The following ANKHD1 variants were observed in gnomAD, a reference collection of about 807,000 sequenced individuals.
ANKHD1 encodes the protein ankyrin repeat and KH domain containing 1.
In ANKHD1, 31 loss-of-function variants were observed where a neutral mutation model predicts 230.5. The observed-to-expected ratio is 0.13, with a 90% CI of 0.10 to 0.18. The LOEUF (loss-of-function observed/expected upper bound fraction) is 0.18, where lower values mean the gene tolerates loss of function less well. ANKHD1 is among the 10% of genes least tolerant of loss of function. The pLI, the probability that ANKHD1 is intolerant of heterozygous loss-of-function variation, is 1.00. For missense variants in ANKHD1, 2,256 were observed against 3,071.3 expected (o/e 0.73, Z 6.27); for synonymous variants, 1,074 against 1,117.6 (o/e 0.96, Z 0.78).
intron 9 of ANKHD1, among the ~76,000 whole-genome samples, chr5:140,463,914 G>A (rs1027059466): frequency 9.2e-5 from 14 of 151,784 alleles, no homozygotes; most frequent in African/African-American, 2.2e-4. Context: ...TGATCTGCCC[G>A]CCTCAGCCTC....
chr5:140,519,728 T>C (rs1325447550), intron 24 of ANKHD1, among the ~76,000 whole-genome samples: 1 of 152,136 alleles, frequency 6.6e-6, no homozygotes, highest in African/African-American at 2.4e-5. Flanking sequence ...TAGCCATATG[T>C]AGAAAGCTGA....
At chr5:140,523,108 CTTTTTTT>C (rs374008554) in intron 24 of ANKHD1, among the ~76,000 whole-genome samples, 3 of 93,510 alleles carry the variant, frequency 3.2e-5, no homozygotes, top group Admixed American at 1.1e-4. Context: ...TTTCTTTTTC[CTTTTTTT>C]TTTTTTTTTT....
chr5:140,415,508 G>A lies in ANKHD1; in HGVS notation c.306+13235G>A, dbSNP rs188318102. Among the ~76,000 whole-genome samples, 10 of 139,156 alleles carry A rather than the reference G, an allele frequency of 7.2e-5. No homozygotes were observed. In the East Asian group the frequency reaches 1.5e-3, roughly 21 times the overall value. 91.3% of individuals were successfully genotyped at this position (139,156 alleles called of 152,430 possible). On this transcript the variant is annotated intron_variant, in intron 1 of 33. Transcript: ENST00000360839. The stretch of plus-strand genomic sequence containing the variant: ...GGCTGGAGTACAATGGTGCGATCTC[G>A]GCTCACTGTAACCTCCACCTTCTGG...
In ANKHD1 at chr5:140,487,905, T is replaced by C. The variant is rs144995879; in HGVS notation, c.2245+845T>C. On this transcript the variant is annotated intron_variant, in intron 14 of 33. Transcript: ENST00000360839. ...TCTGTAACACTGATTTAAGAAAAGT[T>C]GGTGTGGGTTGACTGTTATAGCAGC... is the stretch of plus-strand genomic sequence containing the variant. 3.8e-3 allele frequency among the ~76,000 whole-genome samples: 583 copies of C among 152,258 alleles called. 5 individuals are homozygous for C. Among genetic ancestry groups the C allele is most frequent in the Non-Finnish European group, 4.1e-3 (281 of 68,006 alleles).
chr5:140,440,343 T>C, intron 4 of ANKHD1, 77 bp downstream of exon 4: 3 of 1,492,630 alleles, frequency 2.0e-6, no homozygotes, highest in Non-Finnish European at 2.7e-6. Context: ...ACTTATAAGA[T>C]AGATTATAAT....
At chr5:140,536,668 G>T (rs577321424) in intron 30 of ANKHD1, among the ~76,000 whole-genome samples, 2 of 152,248 alleles carry the variant, frequency 1.3e-5, no homozygotes, top group East Asian at 3.9e-4. Flanking sequence ...AGTATAGAGG[G>T]TCACCAGATG....
chr5:140,439,649 A>C (rs1379621283), intron 3 of ANKHD1, among the ~76,000 whole-genome samples: 1 of 152,126 alleles, frequency 6.6e-6, no homozygotes, highest in African/African-American at 2.4e-5. Flanking sequence ...CAGCCTGGGC[A>C]ACAGAGTGAG....
At chr5:140,414,446 TTAG>T (rs1771188623) in intron 1 of ANKHD1, among the ~76,000 whole-genome samples, 1 of 152,160 alleles carries the variant, frequency 6.6e-6, no homozygotes, top group Admixed American at 6.5e-5. Flanking sequence ...TCCCTAATGA[TTAG>T]TAGTGTTAAG....
chr5:140,442,927 A>T (rs187420440), intron 5 of ANKHD1, among the ~76,000 whole-genome samples: 1 of 149,780 alleles, frequency 6.7e-6, no homozygotes, highest in Non-Finnish European at 1.5e-5. Context: ...TTTTTTTGAG[A>T]TGGAGTCTCG....
At chr5:140,454,289 T>G (rs1486914892) in intron 7 of ANKHD1, among the ~76,000 whole-genome samples, 2 of 152,086 alleles carry the variant, frequency 1.3e-5, no homozygotes, top group African/African-American at 2.4e-5. Context: ...ACTGTCAACA[T>G]TAGACAGATC....
rs769138441 is a variant in ANKHD1, at chr5:140,464,715, A to G, written c.1721A>G (p.Tyr574Cys). 4.4e-6 allele frequency: 7 copies of G among 1,608,222 alleles called. No homozygotes were observed. The highest frequency in any genetic ancestry group is 2.7e-5 in the African/African-American group (2 of 74,872). Residue 574 changes from tyrosine to cysteine, a missense_variant, in exon 10 of 34, where the codon TAT becomes TGT. Tyr to Cys is a radical substitution (Grantham distance 194). Coordinates refer to ENST00000360839, the MANE Select transcript of ANKHD1 (RefSeq NM_017747.3). ...TTATGDTALT[Y>C]ACENGHTDVA... is the part of the protein sequence containing the mutation. ...GCAACAGGAGACACAGCCTTAACCT[A>G]TGCTTGTGAAAATGGACATACGGAT...
intron 7 of ANKHD1, among the ~76,000 whole-genome samples, chr5:140,450,068 G>A (rs146222081): frequency 8.4e-4 from 128 of 152,124 alleles, no homozygotes; most frequent in African/African-American, 3.0e-3. Context: ...ATGCGTATAT[G>A]CATATCTAAA....
At chr5:140,494,735 T>C (rs1751948719) in intron 14 of ANKHD1, among the ~76,000 whole-genome samples, 1 of 152,210 alleles carries the variant, frequency 6.6e-6, no homozygotes, top group South Asian at 2.1e-4. Flanking sequence ...TGTCTCTAAA[T>C]GATCTTTTTT....
intron 25 of ANKHD1, 129 bp downstream of exon 25, chr5:140,524,369 A>C (rs1753505154): frequency 1.5e-6 from 2 of 1,366,148 alleles, no homozygotes; most frequent in African/African-American, 3.0e-5. Context: ...ATGGACAATG[A>C]CTTTTATAGT....
chr5:140,515,909 A>G (rs1331383536), intron 24 of ANKHD1, among the ~76,000 whole-genome samples: 1 of 152,218 alleles, frequency 6.6e-6, no homozygotes, highest in Non-Finnish European at 1.5e-5. Flanking sequence ...CCAAAGGAAC[A>G]AAGTTCCTCA....
At chr5:140,503,567 T>C (rs1034687644) in intron 15 of ANKHD1, among the ~76,000 whole-genome samples, 2 of 122,686 alleles carry the variant, frequency 1.6e-5, no homozygotes, top group African/African-American at 6.7e-5. Flanking sequence ...TTTTTTTTTT[T>C]TTTTTTTTTT....
intron 24 of ANKHD1, among the ~76,000 whole-genome samples, chr5:140,514,482 A>G (rs982684619): frequency 6.6e-6 from 1 of 152,204 alleles, no homozygotes; most frequent in Admixed American, 6.5e-5. Context: ...TGACAGAGTG[A>G]GACCCCATCT....
chr5:140,522,454 G>A (rs549026306), intron 24 of ANKHD1, among the ~76,000 whole-genome samples: 2 of 151,974 alleles, frequency 1.3e-5, no homozygotes, highest in African/African-American at 4.8e-5. Flanking sequence ...TCTCTCTTTA[G>A]CTTACTACGT....
Position 140,402,204 on chromosome 5 carries a change from G to C in ANKHD1, c.237G>C (p.Leu79Phe). Residue 79 changes from leucine (L) to phenylalanine (F), a missense_variant, in exon 1 of 34, where the codon TTG becomes TTC. By Grantham distance (22) the Leu-to-Phe change is conservative (BLOSUM62 0). Coordinates refer to ENST00000360839, the MANE Select transcript of ANKHD1 (RefSeq NM_017747.3). Reference sequence around the variant, plus strand: ...GGGACGCGGCGCTGGATTTCAAGTTGGCGGCTGCCGTGCTGAGGACCGGGG... The same window carrying C: ...GGGACGCGGCGCTGGATTTCAAGTTCGCGGCTGCCGTGCTGAGGACCGGGG... ...GGGDAALDFKLAAAVLRTGGG... is the reference protein window; with the variant it reads ...GGGDAALDFKFAAAVLRTGGG... 6.6e-7 allele frequency: 1 copy of C among 1,524,270 alleles called. No homozygotes were observed. Among genetic ancestry groups the C allele is most frequent in the Non-Finnish European group, 8.8e-7 (1 of 1,140,620 alleles). The allele number at this position is 1,524,270 out of a possible 1,614,324, so 94.4% of individuals were successfully genotyped here. A position where few individuals can be genotyped will look rare whatever the true frequency, so the allele number is the denominator to read the frequency against.
Sources: gnomAD v4.1 joint callset for allele counts (sites outside exome capture counted in the v4.1 genomes callset) on GRCh38, gnomAD v4.1.1 for gene constraint, MANE v1.5 for transcripts, NCBI Gene and HGNC (gene_info 2026-07-23, HGNC 2026-07-21) for gene names.